WWOX: variants seen among roughly 807,000 people sequenced by gnomAD.
WWOX encodes the protein WW domain containing oxidoreductase.
In WWOX, 69 loss-of-function variants were observed where a neutral mutation model predicts 46.2. The ratio of observed to expected loss-of-function variants is 1.49; its 90% CI spans 1.23 to 1.82. WWOX has a LOEUF of 1.82. Ranked by LOEUF, WWOX falls within the 40% of genes most tolerant of loss-of-function variation. The probability of loss-of-function intolerance (pLI) is 0.00; values close to 1 mark genes in which losing one functional copy is unlikely to be tolerated. For synonymous variants in WWOX, 359 were observed against 202.6 expected (o/e 1.77, Z -6.56); for missense variants, 919 against 542.6 (o/e 1.69, Z -6.89).
intron 8 of WWOX, among the ~76,000 whole-genome samples, chr16:78,940,309 T>G: frequency 6.6e-6 from 1 of 152,244 alleles, no homozygotes; most frequent in East Asian, 1.9e-4. Flanking sequence ...TTTTGATTTA[T>G]GAGTCGTCAT....
chr16:78,788,397 A>C (rs1247624933), intron 8 of WWOX, among the ~76,000 whole-genome samples: 1 of 152,110 alleles, frequency 6.6e-6, no homozygotes, highest in South Asian at 2.1e-4. Context: ...GCAGGACTCT[A>C]ATCTTCCCCA....
chr16:78,705,722 T>C (rs2048315203), intron 8 of WWOX, among the ~76,000 whole-genome samples: 1 of 152,224 alleles, frequency 6.6e-6, no homozygotes, highest in African/African-American at 2.4e-5. Context: ...TTCTATGCCT[T>C]TGGTGACTTT....
intron 8 of WWOX, among the ~76,000 whole-genome samples, chr16:78,909,135 A>T (rs755347700): frequency 2.0e-5 from 3 of 152,354 alleles, no homozygotes; most frequent in East Asian, 3.9e-4. Context: ...GGTTAGAAGC[A>T]AGATAGAGTC....
intron 8 of WWOX, among the ~76,000 whole-genome samples, chr16:78,893,324 C>G (rs1211846510): frequency 6.6e-6 from 1 of 152,178 alleles, no homozygotes; most frequent in Non-Finnish European, 1.5e-5. Flanking sequence ...AAATACCAGT[C>G]CTTTCGCCTG....
At chr16:78,709,054 C>T (rs1325117377) in intron 8 of WWOX, among the ~76,000 whole-genome samples, 1 of 152,166 alleles carries the variant, frequency 6.6e-6, no homozygotes, top group East Asian at 1.9e-4. Context: ...CCCCTGACCC[C>T]TTATGAAGTG....
chr16:78,815,214 A>C (rs1278713251), intron 8 of WWOX, among the ~76,000 whole-genome samples: 2 of 152,038 alleles, frequency 1.3e-5, no homozygotes, highest in African/African-American at 2.4e-5. Context: ...AATCCCAGCT[A>C]CTTGGGAGGT....
At chr16:78,861,229 T>C (rs568804154) in intron 8 of WWOX, among the ~76,000 whole-genome samples, 1 of 152,208 alleles carries the variant, frequency 6.6e-6, no homozygotes, top group Non-Finnish European at 1.5e-5. Context: ...AATAAAAGAC[T>C]GAGTAAGAAA....
intron 6 of WWOX, among the ~76,000 whole-genome samples, chr16:78,387,520 G>C (rs2082085268): frequency 6.6e-6 from 1 of 151,846 alleles, no homozygotes; most frequent in Non-Finnish European, 1.5e-5. Context: ...AGCATATTTT[G>C]ATCCTATCAT....
chr16:78,864,134 C>T (rs984154090), intron 8 of WWOX, among the ~76,000 whole-genome samples: 8 of 152,164 alleles, frequency 5.3e-5, no homozygotes, highest in African/African-American at 1.7e-4. Flanking sequence ...AAACTACCTA[C>T]CTAACCACCT....
At chr16:78,652,567 G>A (rs866954005) in intron 8 of WWOX, among the ~76,000 whole-genome samples, 1 of 152,148 alleles carries the variant, frequency 6.6e-6, no homozygotes, top group African/African-American at 2.4e-5. Context: ...TGGTGCTCCA[G>A]GTATTTCTCA....
intron 8 of WWOX, among the ~76,000 whole-genome samples, chr16:79,054,223 C>A (rs1439985272): frequency 3.9e-5 from 6 of 152,148 alleles, no homozygotes; most frequent in Non-Finnish European, 8.8e-5. Context: ...AACGGGGAAT[C>A]TTTCAGAGAT....
intron 8 of WWOX, among the ~76,000 whole-genome samples, chr16:78,711,390 T>A (rs1464654771): frequency 6.6e-6 from 1 of 152,226 alleles, no homozygotes; most frequent in Non-Finnish European, 1.5e-5. Flanking sequence ...GGCCACTGTA[T>A]ATGCTTTGGA....
intron 8 of WWOX, among the ~76,000 whole-genome samples, chr16:78,914,146 C>T (rs2045184664): frequency 6.6e-6 from 1 of 152,092 alleles, no homozygotes; most frequent in Admixed American, 6.6e-5. Flanking sequence ...TGTCCAAAGT[C>T]ACTACTCACA....
intron 8 of WWOX, among the ~76,000 whole-genome samples, chr16:78,758,115 A>C (rs892649557): frequency 1.3e-5 from 2 of 151,164 alleles, no homozygotes; most frequent in African/African-American, 2.4e-5. Flanking sequence ...CTTTAAATCA[A>C]TTCATAGATT....
intron 8 of WWOX, among the ~76,000 whole-genome samples, chr16:79,074,382 C>G (rs914752353): frequency 6.2e-5 from 8 of 128,392 alleles, no homozygotes; most frequent in African/African-American, 1.7e-4. Flanking sequence ...AAAGCCGAAT[C>G]TCATCCTGAC....
chr16:78,546,538 C>G (rs1309488581), intron 8 of WWOX, among the ~76,000 whole-genome samples: 1 of 152,128 alleles, frequency 6.6e-6, no homozygotes, highest in African/African-American at 2.4e-5. Context: ...TTTACGATTC[C>G]ATTGTTTATA....
chr16:79,165,671 G>C (rs9972790), intron 8 of WWOX, among the ~76,000 whole-genome samples: 86,573 of 151,898 alleles, frequency 0.57, 26,209 homozygotes, highest in East Asian at 0.88. Context: ...ACGCAGAGAA[G>C]TAGCACACAA....
At chr16:79,083,193 G>T (rs2048792528) in intron 8 of WWOX, among the ~76,000 whole-genome samples, 1 of 152,168 alleles carries the variant, frequency 6.6e-6, no homozygotes, top group Non-Finnish European at 1.5e-5. Flanking sequence ...GAGGGCGCAG[G>T]TAGGGGCACT....
chr16:78,802,052 C>T (rs949638896), intron 8 of WWOX, among the ~76,000 whole-genome samples: 3 of 152,118 alleles, frequency 2.0e-5, no homozygotes, highest in African/African-American at 7.2e-5. Flanking sequence ...CCTGGCTCTG[C>T]TGGTTATTAT....
Sources: allele counts gnomAD v4.1 joint callset (sites outside exome capture counted in the v4.1 genomes callset), GRCh38; gene constraint gnomAD v4.1.1; transcripts MANE v1.5; gene names NCBI Gene and HGNC (gene_info 2026-07-23, HGNC 2026-07-21).